The following UHMK1 variants were observed in gnomAD, a reference collection of about 807,000 sequenced individuals.
UHMK1 encodes the protein serine/threonine-protein kinase Kist.
UHMK1 carries 18 observed loss-of-function variants against 44.0 expected under a neutral mutation model. That is an observed-to-expected ratio of 0.41 (90% confidence interval 0.28 to 0.61). The LOEUF (loss-of-function observed/expected upper bound fraction) is 0.61. UHMK1 is among the 20% of genes least tolerant of loss of function. The pLI is 0.31. For missense variants in UHMK1, 463 were observed against 522.5 expected (o/e 0.89, Z 1.11); for synonymous variants, 231 against 198.5 (o/e 1.16, Z -1.38).
chr1:162,521,856 C>T (rs6427681), intron 7 of UHMK1, among the ~76,000 whole-genome samples: 69,859 of 152,062 alleles, frequency 0.46, 16,073 homozygotes, highest in East Asian at 0.47. Flanking sequence ...CTCGAATTCC[C>T]GACCTCGTGA....
At chr1:162,509,643 T>C (rs1431409744) in intron 4 of UHMK1, among the ~76,000 whole-genome samples, 1 of 152,188 alleles carries the variant, frequency 6.6e-6, no homozygotes, top group Non-Finnish European at 1.5e-5. Context: ...TAGGTTTTTT[T>C]TCGTATGTGT....
chr1:162,515,334 T>C (rs1049036735), intron 6 of UHMK1, among the ~76,000 whole-genome samples: 2 of 152,200 alleles, frequency 1.3e-5, no homozygotes, highest in Admixed American at 6.5e-5. Flanking sequence ...GTAAATATTT[T>C]TAAAGCCAGA....
rs1268256642 is a variant in UHMK1 at position 162,527,245 on chromosome 1, GTTT to G, written c.*4698_*4700del. On this transcript the variant is annotated 3_prime_UTR_variant, in exon 8 of 8. Transcript: ENST00000489294. ...GTTATTGTAGCCACCTCCCTCAGAT[GTTT>G]TTCACTATTTTTAAATTATATAATG... 1 of 151,880 alleles carries G rather than the reference GTTT, an allele frequency of 6.6e-6. No individual in the cohort carries two copies. Among genetic ancestry groups the G allele is most frequent in the Non-Finnish European group, 1.5e-5 (1 of 67,900 alleles). 9.4% of individuals were successfully genotyped at this position (151,880 alleles called of 1,614,324 possible).
intron 3 of UHMK1, among the ~76,000 whole-genome samples, chr1:162,502,564 A>G (rs1236531203): frequency 1.3e-5 from 2 of 152,158 alleles, no homozygotes; most frequent in Admixed American, 6.5e-5. Context: ...CTTTTGGACT[A>G]TATCTGCTTG....
rs1652181686 is a variant in UHMK1, at chr1:162,524,661, A to T, written c.*2111A>T. The T allele has an allele frequency of 6.6e-6, 1 of 152,228 alleles. No individual in the cohort carries two copies. Among genetic ancestry groups the T allele is most frequent in the African/African-American group, 2.4e-5 (1 of 41,460 alleles). The allele number at this position is 152,228 out of a possible 1,614,324, so 9.4% of individuals were successfully genotyped here. On this transcript the variant is annotated 3_prime_UTR_variant, in exon 8 of 8. Coordinates refer to ENST00000489294, the MANE Select transcript of UHMK1 (RefSeq NM_175866.5). ...CTCCGCCCCCAAAAGAAAAATCCTT[A>T]CAAATAAACTGCAGGTAGGCTTCTA...
intron 4 of UHMK1, among the ~76,000 whole-genome samples, chr1:162,510,214 T>C (rs1469796025): frequency 6.6e-6 from 1 of 152,234 alleles, no homozygotes; most frequent in Admixed American, 6.5e-5. Flanking sequence ...TTTTTTGTGA[T>C]GAGAGTGCTT....
Position 162,525,226 on chromosome 1 carries a change from T to G in UHMK1, c.*2676T>G, listed in dbSNP as rs1652205982. ...GAACCAAATATCAAAAGATACAAGT[T>G]TCATGATTAGGATGAAATATATACA... On this transcript the variant is annotated 3_prime_UTR_variant, in exon 8 of 8. Coordinates refer to ENST00000489294, the MANE Select transcript of UHMK1 (RefSeq NM_175866.5). The G allele has an allele frequency of 6.6e-6, 1 of 152,158 alleles. No homozygotes were observed. The allele number at this position is 152,158 out of a possible 1,614,324, so 9.4% of individuals were successfully genotyped here. A position where few individuals can be genotyped will look rare whatever the true frequency, so the allele number is the denominator to read the frequency against.
chr1:162,525,026 C>G lies in UHMK1; in HGVS notation c.*2476C>G, dbSNP rs1217287053. ...TCTCCTGTCTCAGCCTCCCCAGTAG[C>G]TGGGTTTACAGGCGCTTGCCACCAC... On this transcript the variant is annotated 3_prime_UTR_variant, in exon 8 of 8. Coordinates refer to ENST00000489294, the MANE Select transcript of UHMK1 (RefSeq NM_175866.5). The G allele has an allele frequency of 6.6e-6, 1 of 152,120 alleles. No homozygotes were observed. The highest frequency in any genetic ancestry group is 2.4e-5 in the African/African-American group (1 of 41,430). 9.4% of individuals were successfully genotyped at this position (152,120 alleles called of 1,614,324 possible).
At chr1:162,506,707 AC>A (rs1161497350) in intron 4 of UHMK1, among the ~76,000 whole-genome samples, 1 of 152,178 alleles carries the variant, frequency 6.6e-6, no homozygotes, top group Non-Finnish European at 1.5e-5. Flanking sequence ...TACTAAAAAT[AC>A]AAAAAAAGTA....
Position 162,518,024 on chromosome 1 carries a change from T to C in UHMK1, c.1025-78T>C, listed in dbSNP as rs142196149. Reference sequence around the variant, plus strand: ...ACTAGTTATGTATTCCTGAATTCTTTGATGATTAAAAAATTTAAAATGTTG... The same window carrying C: ...ACTAGTTATGTATTCCTGAATTCTTCGATGATTAAAAAATTTAAAATGTTG... On this transcript the variant is annotated intron_variant, in intron 6 of 7. Transcript: ENST00000489294. 1,487 of 989,256 alleles carry C rather than the reference T, an allele frequency of 1.5e-3. 2 individuals are homozygous for C. The highest frequency in any genetic ancestry group is 2.0e-3 in the Non-Finnish European group (1,285 of 636,208). The allele number at this position is 989,256 out of a possible 1,614,324, so 61.3% of individuals were successfully genotyped here. A position where few individuals can be genotyped will look rare whatever the true frequency, so the allele number is the denominator to read the frequency against.
At chr1:162,511,189 C>CTTTTTTTTTTTTTTT (rs142796500) in intron 4 of UHMK1, among the ~76,000 whole-genome samples, 1 of 101,006 alleles carries the variant, frequency 9.9e-6, no homozygotes, top group Non-Finnish European at 1.9e-5. Context: ...TTTTCTTTTT[C>CTTTTTTTTTTTTTTT]TTTTTTTTTT....
chr1:162,519,951 T>C (rs1202545585), intron 7 of UHMK1, among the ~76,000 whole-genome samples: 2 of 152,120 alleles, frequency 1.3e-5, no homozygotes, highest in East Asian at 3.9e-4. Flanking sequence ...CAGGCTAGAG[T>C]GCAGTGGTGC....
chr1:162,498,020 C>T lies in UHMK1; in HGVS notation c.20C>T (p.Ala7Val). ...ACACCGATGGCGGGATCCGGCTGCG[C>T]CTGGGGCGCGGAGCCGCCGCGTTTT... MAGSGC[A>V]WGAEPPRFLE... The change falls in exon 1 of 8, where the codon GCC (alanine) becomes GTC (valine). Residue 7 changes from alanine to valine, a missense_variant. Around this residue, in one of 3 missense-constraint regions of UHMK1, gnomAD observed 191 missense variants for 176.0 expected, o/e 1.09. Coordinates refer to ENST00000489294, the MANE Select transcript of UHMK1 (RefSeq NM_175866.5). The T allele has an allele frequency of 6.3e-7, 1 of 1,594,288 alleles. No homozygotes were observed. The highest frequency in any genetic ancestry group is 8.6e-7 in the Non-Finnish European group (1 of 1,168,810).
At position 162,527,517 on chromosome 1, in the gene UHMK1, A is replaced by G. The variant is rs907748463; in HGVS notation, c.*4967A>G. The G allele has an allele frequency of 3.3e-5, 5 of 152,122 alleles. No homozygotes were observed. Among genetic ancestry groups the G allele is most frequent in the Non-Finnish European group, 1.5e-5 (1 of 67,952 alleles). 9.4% of individuals were successfully genotyped at this position (152,122 alleles called of 1,614,324 possible). A position where few individuals can be genotyped will look rare whatever the true frequency, so the allele number is the denominator to read the frequency against. On this transcript the variant is annotated 3_prime_UTR_variant, in exon 8 of 8. Transcript: ENST00000489294. ...ATAGGAAATTTTTATTCATTTTCCTACCACTCAGCACTTTTGTTCTGCCTT... is the reference window on the plus strand; with the variant it reads ...ATAGGAAATTTTTATTCATTTTCCTGCCACTCAGCACTTTTGTTCTGCCTT...
chr1:162,525,852 T>C lies in UHMK1; in HGVS notation c.*3302T>C, dbSNP rs1051805074. On this transcript the variant is annotated 3_prime_UTR_variant, in exon 8 of 8. Transcript: ENST00000489294. Reference sequence around the variant, plus strand: ...CTCTTTGTTTTTATTGAGAGAAATATTGCCTTCTTTTTGGTACTCCAGCTG... The same window carrying C: ...CTCTTTGTTTTTATTGAGAGAAATACTGCCTTCTTTTTGGTACTCCAGCTG... 1 of 152,228 alleles carries C rather than the reference T, an allele frequency of 6.6e-6. No individual in the cohort carries two copies. The highest frequency in any genetic ancestry group is 2.4e-5 in the African/African-American group (1 of 41,460). 9.4% of individuals were successfully genotyped at this position (152,228 alleles called of 1,614,324 possible). A position where few individuals can be genotyped will look rare whatever the true frequency, so the allele number is the denominator to read the frequency against.
At chr1:162,514,483 ATAG>A (rs1191866473) in intron 6 of UHMK1, among the ~76,000 whole-genome samples, 1 of 152,188 alleles carries the variant, frequency 6.6e-6, no homozygotes, top group Non-Finnish European at 1.5e-5. Context: ...TGCCTGGCAA[ATAG>A]TAAACACTCA....
Position 162,523,727 on chromosome 1 carries a change from C to T in UHMK1, c.*1177C>T, listed in dbSNP as rs1173794268. On this transcript the variant is annotated 3_prime_UTR_variant, in exon 8 of 8. Coordinates refer to ENST00000489294, the MANE Select transcript of UHMK1 (RefSeq NM_175866.5). ...GTATCCCTGCTCCCTTTTTCCTCCC[C>T]TTCCCTCATTCTTTGCCTCTATCCT... 6.6e-6 allele frequency: 1 copy of T among 152,102 alleles called. No individual in the cohort carries two copies. The highest frequency in any genetic ancestry group is 2.4e-5 in the African/African-American group (1 of 41,438). The allele number at this position is 152,102 out of a possible 1,614,324, so 9.4% of individuals were successfully genotyped here.
chr1:162,516,576 A>G (rs534889452), intron 6 of UHMK1, among the ~76,000 whole-genome samples: 3 of 152,348 alleles, frequency 2.0e-5, no homozygotes, highest in East Asian at 1.9e-4. Context: ...GAATATGGCA[A>G]AAAACTCAGA....
chr1:162,522,581 C>T lies in UHMK1; in HGVS notation c.*31C>T, dbSNP rs972338666. 1 of 1,601,964 alleles carries T rather than the reference C, an allele frequency of 6.2e-7. No individual in the cohort carries two copies. Among genetic ancestry groups the T allele is most frequent in the East Asian group, 2.2e-5 (1 of 44,776 alleles). ...AACCTAAGGACTGTTTCCTTTTTCT[C>T]CTCTTCCATTTCTTGGGTTATTCCA... On this transcript the variant is annotated 3_prime_UTR_variant, in exon 8 of 8. Transcript: ENST00000489294.
Sources: gnomAD v4.1 joint callset for allele counts (sites outside exome capture counted in the v4.1 genomes callset) on GRCh38, gnomAD v4.1.1 for gene constraint, gnomAD v4.1.1 regional missense constraint, MANE v1.5 for transcripts, NCBI Gene and HGNC (gene_info 2026-07-23, HGNC 2026-07-21) for gene names.